The following CDC14A variants were observed in gnomAD, a reference collection of about 807,000 sequenced individuals.
CDC14A encodes dual specificity protein phosphatase CDC14A.
Under a neutral mutation model 74.4 loss-of-function variants are expected in CDC14A, and 53 were observed. That is an observed-to-expected ratio of 0.71 (90% CI 0.57 to 0.89). The LOEUF (loss-of-function observed/expected upper bound fraction) is 0.89, where lower values mean the gene tolerates loss of function less well. CDC14A is among the 40% of genes least tolerant of loss of function. The pLI is 0.00. For synonymous variants in CDC14A, 247 were observed against 258.4 expected (o/e 0.96, Z 0.43); for missense variants, 646 against 713.7 (o/e 0.91, Z 1.08).
chr1:100,414,067 T>G (rs1446716358), intron 4 of CDC14A, among the ~76,000 whole-genome samples: 1 of 152,198 alleles, frequency 6.6e-6, no homozygotes, highest in Non-Finnish European at 1.5e-5. Flanking sequence ...TTATTTTAGA[T>G]ATATGATTTT....
At chr1:100,515,177 A>G (rs1650085960) in intron 15 of CDC14A, among the ~76,000 whole-genome samples, 1 of 152,124 alleles carries the variant, frequency 6.6e-6, no homozygotes, top group Admixed American at 6.5e-5. Context: ...AGGTTTCCTC[A>G]ACTGTGGCTG....
intron 10 of CDC14A, among the ~76,000 whole-genome samples, chr1:100,474,120 C>A (rs1668658097): frequency 6.6e-6 from 1 of 152,088 alleles, no homozygotes; most frequent in Admixed American, 6.6e-5. Flanking sequence ...TGATTTTCTT[C>A]TTAAGATTGT....
chr1:100,374,182 CAT>C (rs1248890918), intron 2 of CDC14A, among the ~76,000 whole-genome samples: 1 of 152,176 alleles, frequency 6.6e-6, no homozygotes, highest in African/African-American at 2.4e-5. Flanking sequence ...ATATGTGCCA[CAT>C]TTTCTTAATC....
chr1:100,468,074 C>T lies in CDC14A; in HGVS notation c.957C>T (p.Pro319=), dbSNP rs554166560. The change falls in exon 10 of 16, where the codon CCC becomes CCT. Residue 319 remains proline (P), a synonymous_variant. Coordinates refer to ENST00000336454, the MANE Select transcript of CDC14A (RefSeq NM_003672.4). ...GCCGGCCAGGCTCTATTATAGGACCCCAGCAGCACTTCCTGGAAGAGTAAG... is the reference window on the plus strand; with the variant it reads ...GCCGGCCAGGCTCTATTATAGGACCTCAGCAGCACTTCCTGGAAGAGTAAG... ...RICRPGSIIG[P]QQHFLEEKQA... The T allele has an allele frequency of 2.3e-4, 367 of 1,613,660 alleles. 4 individuals carry two copies. In the South Asian group the frequency reaches 3.9e-3, roughly 17 times the overall value.
chr1:100,498,046 C>A, intron 13 of CDC14A, 39 bp from the exon 14 acceptor site: 1 of 1,591,950 alleles, frequency 6.3e-7, no homozygotes, highest in Non-Finnish European at 8.5e-7. Flanking sequence ...TAAGATAAGA[C>A]TACTTTATTG....
At position 100,466,871 on chromosome 1, in the gene CDC14A, C is replaced by CAAAA. The variant is rs11382441; in HGVS notation, c.839-1069_839-1066dup. On this transcript the variant is annotated intron_variant, in intron 9 of 15. Coordinates refer to ENST00000336454, the MANE Select transcript of CDC14A (RefSeq NM_003672.4). ...GGCAACAGCAGCAAAACTCGGTCTC[C>CAAAA]AAAAAAAAAAAAAAAAAAAGAAGGG... is the stretch of plus-strand genomic sequence containing the variant. 4.3e-3 allele frequency among the ~76,000 whole-genome samples: 373 copies of CAAAA among 87,202 alleles called. 9 individuals are homozygous for CAAAA. Among genetic ancestry groups the CAAAA allele is most frequent in the African/African-American group, 0.016 (338 of 21,386 alleles). The allele number at this position is 87,202 out of a possible 152,430, so 57.2% of individuals were successfully genotyped here.
At chr1:100,510,213 A>G (rs1649612333) in intron 15 of CDC14A, among the ~76,000 whole-genome samples, 1 of 152,096 alleles carries the variant, frequency 6.6e-6, no homozygotes, top group Admixed American at 6.6e-5. Context: ...CATTTTTCTA[A>G]TCATTGTCAT....
chr1:100,391,931 C>G (rs564924182), intron 4 of CDC14A, among the ~76,000 whole-genome samples: 1 of 152,362 alleles, frequency 6.6e-6, no homozygotes, highest in South Asian at 2.1e-4. Context: ...CCCCTTGTGG[C>G]AGCATTCTTT....
At chr1:100,393,702 T>A in intron 4 of CDC14A, 1 of 407,370 alleles carries the variant, frequency 2.5e-6, no homozygotes, top group Non-Finnish European at 4.7e-6. Flanking sequence ...ACGACTGTAA[T>A]CCCAGCACTT....
chr1:100,370,849 A>T (rs1654386069), intron 2 of CDC14A, among the ~76,000 whole-genome samples: 1 of 152,176 alleles, frequency 6.6e-6, no homozygotes, highest in South Asian at 2.1e-4. Flanking sequence ...GTGAAAAATG[A>T]TACTGGTAGT....
intron 5 of CDC14A, among the ~76,000 whole-genome samples, chr1:100,430,971 G>A (rs375935431): frequency 1.3e-5 from 2 of 152,024 alleles, no homozygotes; most frequent in Non-Finnish European, 2.9e-5. Context: ...AAGCTAATTC[G>A]CGTTAGTTTT....
intron 11 of CDC14A, chr1:100,485,375 A>C (rs1482616601): frequency 1.1e-6 from 1 of 913,004 alleles, no homozygotes; most frequent in East Asian, 1.2e-4. Context: ...AAAGGAGAAA[A>C]AAAGAAAAGA....
chr1:100,438,743 T>C (rs900816545), intron 5 of CDC14A, among the ~76,000 whole-genome samples: 3 of 152,260 alleles, frequency 2.0e-5, no homozygotes, highest in Non-Finnish European at 2.9e-5. Flanking sequence ...AACTCAGGGA[T>C]GATGAAGTTA....
chr1:100,399,404 C>T (rs1647071929), intron 4 of CDC14A, among the ~76,000 whole-genome samples: 1 of 151,874 alleles, frequency 6.6e-6, no homozygotes, highest in Non-Finnish European at 1.5e-5. Flanking sequence ...TTTTAAATTT[C>T]AGAGTTTTTA....
chr1:100,420,730 G>C (rs1440430221), intron 4 of CDC14A, among the ~76,000 whole-genome samples: 4 of 152,164 alleles, frequency 2.6e-5, no homozygotes, highest in Admixed American at 1.3e-4. Flanking sequence ...ACCTACGGCA[G>C]AAGTTGGGAA....
At chr1:100,418,197 T>G (rs992941009) in intron 4 of CDC14A, among the ~76,000 whole-genome samples, 2 of 152,144 alleles carry the variant, frequency 1.3e-5, no homozygotes, top group African/African-American at 4.8e-5. Flanking sequence ...ACTGTTAACT[T>G]TTTGTTTTTA....
chr1:100,501,606 T>G (rs937795659), intron 15 of CDC14A, among the ~76,000 whole-genome samples: 5 of 152,236 alleles, frequency 3.3e-5, no homozygotes, highest in African/African-American at 1.2e-4. Flanking sequence ...CTGGCCTATG[T>G]ATATACTATA....
intron 11 of CDC14A, among the ~76,000 whole-genome samples, chr1:100,492,933 A>G (rs569799266): frequency 6.6e-6 from 1 of 152,108 alleles, no homozygotes; most frequent in African/African-American, 2.4e-5. Flanking sequence ...GCCTGATTCT[A>G]TAACTCTTCT....
rs148843577 is a variant in CDC14A at position 100,430,262 on chromosome 1, G to A, written c.389+5961G>A. ...ATCAAATCATGGTATTTTATTTAAT[G>A]TGAACAGGAATATCCAAGTTTTCTT... On this transcript the variant is annotated intron_variant, in intron 5 of 15. Coordinates refer to ENST00000336454, the MANE Select transcript of CDC14A (RefSeq NM_003672.4). Among the ~76,000 whole-genome samples the A allele has an allele frequency of 3.6e-4, 55 of 152,230 alleles. 1 individual carries two copies. The highest frequency in any genetic ancestry group is 3.4e-3 in the Middle Eastern group (1 of 294).
Sources: allele counts gnomAD v4.1 joint callset (sites outside exome capture counted in the v4.1 genomes callset), GRCh38; gene constraint gnomAD v4.1.1; transcripts MANE v1.5; gene names NCBI Gene and HGNC (gene_info 2026-07-23, HGNC 2026-07-21).